The following CDK12 variants were observed in gnomAD, a reference collection of about 807,000 sequenced individuals.
CDK12 encodes cyclin dependent kinase 12, also known as cyclin-dependent kinase 12.
CDK12 carries 17 observed loss-of-function variants against 133.8 expected under a neutral mutation model. That is an observed-to-expected ratio of 0.13 (90% CI 0.09 to 0.19). The LOEUF (loss-of-function observed/expected upper bound fraction) is 0.19, where lower values mean the gene tolerates loss of function less well. CDK12 is among the 10% of genes least tolerant of loss of function. The probability of loss-of-function intolerance (pLI) is 1.00; values close to 1 mark genes in which losing one functional copy is unlikely to be tolerated. For missense variants in CDK12, 1,508 were observed against 1,818.7 expected, an observed-to-expected ratio of 0.83 and a Z score of 3.11; for synonymous variants, 694 against 683.6, an observed-to-expected ratio of 1.02 and a Z score of -0.24.
At chr17:39,478,255 A>G (rs1184782581) in intron 2 of CDK12, among the ~76,000 whole-genome samples, 2 of 151,078 alleles carry the variant, frequency 1.3e-5, no homozygotes, top group African/African-American at 4.9e-5. Flanking sequence ...GCAGTGGCTC[A>G]ATCTCAGCTC....
At position 39,530,893 on chromosome 17, in the gene CDK12, C is replaced by T. The variant is rs773514993; in HGVS notation, c.4050C>T (p.Ala1350=). ...NTDGPETGFS[A]IDTDERNSGP... is the part of the protein sequence containing the mutation. ...ATGGGCCTGAAACAGGGTTCAGTGC[C>T]ATTGACACTGATGAACGAAACTCTG... Residue 1350 remains alanine (A), a synonymous_variant, in exon 14 of 14, where the codon GCC becomes GCT. Transcript: ENST00000447079. 1 of 1,614,206 alleles carries T rather than the reference C, an allele frequency of 6.2e-7. No homozygotes were observed. The highest frequency in any genetic ancestry group is 8.5e-7 in the Non-Finnish European group (1 of 1,180,038).
intron 2 of CDK12, among the ~76,000 whole-genome samples, chr17:39,481,183 G>A (rs902924897): frequency 6.6e-6 from 1 of 151,458 alleles, no homozygotes; most frequent in Non-Finnish European, 1.5e-5. Flanking sequence ...AACTCGGGGG[G>A]CGGAGGTTGC....
chr17:39,527,406 A>T (rs183530691), intron 13 of CDK12, among the ~76,000 whole-genome samples: 2 of 152,176 alleles, frequency 1.3e-5, no homozygotes, highest in African/African-American at 4.8e-5. Flanking sequence ...TTTCACTGTT[A>T]ATTAGCACTT....
chr17:39,542,535 G>T (rs754644128), intron 1 of CDK12, among the ~76,000 whole-genome samples: 2 of 149,084 alleles, frequency 1.3e-5, no homozygotes, highest in African/African-American at 2.5e-5. Flanking sequence ...TTGAAACGGC[G>T]TTTCATTCTT....
At chr17:39,490,377 G>A (rs1009771848) in intron 2 of CDK12, among the ~76,000 whole-genome samples, 180 bp from the exon 3 acceptor site, 29 of 150,360 alleles carry the variant, frequency 1.9e-4, no homozygotes, top group Non-Finnish European at 4.3e-4. Flanking sequence ...AAAAAAAAAA[G>A]AAAAAAATTA....
At chr17:39,481,935 T>C (rs1337082574) in intron 2 of CDK12, among the ~76,000 whole-genome samples, 1 of 151,022 alleles carries the variant, frequency 6.6e-6, no homozygotes, top group Non-Finnish European at 1.5e-5. Flanking sequence ...TTGGCCAGGC[T>C]GGTCTCAAAC....
At chr17:39,515,164 A>T (rs1349756408) in intron 8 of CDK12, among the ~76,000 whole-genome samples, 1 of 152,172 alleles carries the variant, frequency 6.6e-6, no homozygotes, top group Admixed American at 6.6e-5. Flanking sequence ...GTGAGTGGAG[A>T]TAGCACCACT....
chr17:39,515,872 A>G (rs2053769356), intron 9 of CDK12, 64 bp downstream of exon 9: 2 of 1,037,628 alleles, frequency 1.9e-6, no homozygotes, highest in Non-Finnish European at 1.5e-6. Context: ...TCCAGTTTCT[A>G]ACACTTTCTA....
chr17:39,525,303 T>C (rs1029512268), intron 12 of CDK12, among the ~76,000 whole-genome samples: 3 of 152,206 alleles, frequency 2.0e-5, no homozygotes, highest in African/African-American at 7.2e-5. Flanking sequence ...CTATAGACTG[T>C]TATTTTGATC....
At chr17:39,556,102 C>G (rs369092298) in intron 2 of CDK12, among the ~76,000 whole-genome samples, 13 of 152,046 alleles carry the variant, frequency 8.6e-5, no homozygotes, top group East Asian at 5.8e-4. Context: ...TTTCTCAAAC[C>G]CTATTTTCTG....
chr17:39,515,933 C>T (rs1423983907), intron 9 of CDK12, 125 bp downstream of exon 9: 1 of 591,076 alleles, frequency 1.7e-6, no homozygotes, highest in East Asian at 2.9e-5. Context: ...TTTCTCTTTA[C>T]TCAGTCAGGT....
chr17:39,566,881 G>C (rs1259323394), downstream of CDK12: 1 of 152,374 alleles, frequency 6.6e-6, no homozygotes, highest in East Asian at 1.9e-4. Flanking sequence ...GGAGGAAGTA[G>C]GTTAGGGAAT....
downstream of CDK12, among the ~76,000 whole-genome samples, chr17:39,538,627 G>A (rs948531110): frequency 5.9e-5 from 9 of 152,168 alleles, no homozygotes; most frequent in South Asian, 2.1e-4. Context: ...ACCTGGGAGC[G>A]GTGGCTCACG....
chr17:39,507,048 C>T (rs2053178144), intron 6 of CDK12, among the ~76,000 whole-genome samples: 1 of 151,868 alleles, frequency 6.6e-6, no homozygotes, highest in Non-Finnish European at 1.5e-5. Flanking sequence ...AGGTGTCTGC[C>T]GCCACGCCCA....
At position 39,559,361 on chromosome 17, in the gene CDK12, ATT is replaced by A. The variant is rs201367063; in HGVS notation, n.484+2949_484+2950del. Reference sequence around the variant, plus strand: ...TTTACGTGTTCTCATATGTATATATATTAAGTACTATACAATTTTATTACCTG... The same window carrying A: ...TTTACGTGTTCTCATATGTATATATAAAGTACTATACAATTTTATTACCTG... On this transcript the variant is annotated intron_variant and non_coding_transcript_variant, in intron 3 of 3. Coordinates refer to the CDK12 transcript ENST00000558240. Among the ~76,000 whole-genome samples, 119 of 152,356 alleles carry A rather than the reference ATT, an allele frequency of 7.8e-4. 1 individual carries two copies. In the East Asian group the frequency reaches 0.022, roughly 28 times the overall value.
intron 6 of CDK12, among the ~76,000 whole-genome samples, chr17:39,502,490 A>G (rs999846879): frequency 3.3e-5 from 5 of 152,190 alleles, no homozygotes; most frequent in Non-Finnish European, 1.5e-5. Flanking sequence ...CTATATAGGA[A>G]CATGGAAAGA....
intron 11 of CDK12, among the ~76,000 whole-genome samples, chr17:39,522,238 C>T (rs987412235): frequency 1.1e-4 from 16 of 151,736 alleles, no homozygotes; most frequent in Admixed American, 7.2e-4. Flanking sequence ...CAGGTATGCG[C>T]CCCCATGCCT....
chr17:39,521,531 G>T (rs563414895), intron 11 of CDK12, among the ~76,000 whole-genome samples: 1 of 151,884 alleles, frequency 6.6e-6, no homozygotes, highest in Admixed American at 6.6e-5. Flanking sequence ...CCAAGGTGCC[G>T]GGATTACAGA....
Position 39,462,746 on chromosome 17 carries a change from G to A in CDK12, c.675G>A (p.Arg225=), listed in dbSNP as rs2144894056. 6.2e-7 allele frequency: 1 copy of A among 1,614,140 alleles called. No individual in the cohort carries two copies. Among genetic ancestry groups the A allele is most frequent in the Non-Finnish European group, 8.5e-7 (1 of 1,180,030 alleles). Residue 225 remains arginine, a synonymous_variant, in exon 1 of 14, where the codon AGG becomes AGA. Transcript: ENST00000447079. ...AACGGAGATCCAGGAGCCCCCACAG[G>A]AAGTGGTCTGACAGCTCCAAACAAG... ...SPKRRSRSPH[R]KWSDSSKQDD...
Sources: gnomAD v4.1 joint callset for allele counts (sites outside exome capture counted in the v4.1 genomes callset) on GRCh38, gnomAD v4.1.1 for gene constraint, MANE v1.5 for transcripts, NCBI Gene and HGNC (gene_info 2026-07-23, HGNC 2026-07-21) for gene names.